Variants in ADAMTSL1 observed in about 807,000 individuals in gnomAD.
The protein encoded by ADAMTSL1 is ADAMTS-like protein 1.
A neutral mutation model predicts 201.8 loss-of-function variants in ADAMTSL1; 126 were observed. The observed-to-expected ratio is 0.62, with a 90% confidence interval of 0.54 to 0.72. The LOEUF (loss-of-function observed/expected upper bound fraction) is 0.72, where lower values mean the gene tolerates loss of function less well. Among genes scored for constraint, ADAMTSL1 ranks in the 30% least tolerant of loss-of-function variants. The probability of loss-of-function intolerance (pLI) is 0.00; values close to 1 mark genes in which losing one functional copy is unlikely to be tolerated. For synonymous variants in ADAMTSL1, 1,121 were observed against 903.4 expected, an observed-to-expected ratio of 1.24 and a Z score of -4.32; for missense variants, 2,679 against 2,277.8, an observed-to-expected ratio of 1.18 and a Z score of -3.59.
intron 2 of ADAMTSL1, among the ~76,000 whole-genome samples, chr9:18,287,596 CACATATATGCATATATGTATGTGTAT>C (rs1185647885): frequency 1.6e-5 from 1 of 61,110 alleles, no homozygotes; most frequent in East Asian, 5.4e-4. Flanking sequence ...TATATATACA[CACATATATGCATATATGTATGTGTAT>C]ACATATACGC....
chr9:18,592,080 T>C (rs1823953911), intron 4 of ADAMTSL1, among the ~76,000 whole-genome samples: 1 of 152,200 alleles, frequency 6.6e-6, no homozygotes, highest in African/African-American at 2.4e-5. Context: ...TGCATCTCAT[T>C]GATTTGCTAA....
At chr9:18,181,818 C>T (rs1828492382) in intron 2 of ADAMTSL1, among the ~76,000 whole-genome samples, 1 of 152,052 alleles carries the variant, frequency 6.6e-6, no homozygotes, top group Non-Finnish European at 1.5e-5. Flanking sequence ...AATCATGCTG[C>T]TATAAAGACA....
intron 2 of ADAMTSL1, among the ~76,000 whole-genome samples, chr9:18,350,861 C>G (rs1004701456): frequency 2.5e-4 from 38 of 152,206 alleles, no homozygotes; most frequent in African/African-American, 9.1e-4. Context: ...AAAATACAGA[C>G]TATGATATTC....
At chr9:17,915,122 A>G (rs1588408006) in intron 1 of ADAMTSL1, among the ~76,000 whole-genome samples, 1 of 152,180 alleles carries the variant, frequency 6.6e-6, no homozygotes, top group African/African-American at 2.4e-5. Context: ...ACATATGCAT[A>G]TATTCATGAC....
At chr9:18,064,954 A>ATTTTTTTTTTTTTTTTTTTTTTT (rs563021690) in intron 1 of ADAMTSL1, among the ~76,000 whole-genome samples, 1 of 69,022 alleles carries the variant, frequency 1.4e-5, no homozygotes, top group African/African-American at 5.7e-5. Context: ...TTTGCTAAAG[A>ATTTTTTTTTTTTTTTTTTTTTTT]TTTTTTTTTT....
At chr9:18,184,973 C>T (rs189838773) in intron 2 of ADAMTSL1, among the ~76,000 whole-genome samples, 1 of 152,166 alleles carries the variant, frequency 6.6e-6, no homozygotes, top group South Asian at 2.1e-4. Context: ...GATTAATTGA[C>T]ACAGGTTGAA....
At chr9:18,077,475 G>C (rs990897452) in intron 1 of ADAMTSL1, among the ~76,000 whole-genome samples, 1 of 152,238 alleles carries the variant, frequency 6.6e-6, no homozygotes, top group South Asian at 2.1e-4. Flanking sequence ...AGTGTTTTGA[G>C]CTTAAAGAGG....
chr9:18,522,926 T>C (rs1336765504), intron 2 of ADAMTSL1, among the ~76,000 whole-genome samples: 3 of 152,114 alleles, frequency 2.0e-5, no homozygotes, highest in East Asian at 3.9e-4. Flanking sequence ...TTTATAGCAG[T>C]ATGATTTATA....
intron 2 of ADAMTSL1, among the ~76,000 whole-genome samples, chr9:18,256,614 G>A (rs1226678489): frequency 6.6e-6 from 1 of 152,224 alleles, no homozygotes. Context: ...CATTGGGGAA[G>A]ACCAAGGAGC....
chr9:18,734,828 C>G lies in ADAMTSL1; in HGVS notation c.2006+13163C>G, dbSNP rs532018190. ...CCCCAGAGTCCCAATCCAGGCTTTC[C>G]AAGAAACCTCAGGGCAGTTTTGTGC... On this transcript the variant is annotated intron_variant, in intron 15 of 28. Coordinates refer to ENST00000380548, the MANE Select transcript of ADAMTSL1 (RefSeq NM_001040272.6). 4.9e-4 allele frequency among the ~76,000 whole-genome samples: 75 copies of G among 152,220 alleles called. 1 individual carries two copies. Among genetic ancestry groups the G allele is most frequent in the African/African-American group, 1.7e-3 (70 of 41,552 alleles).
chr9:18,774,332 C>A (rs12686738), intron 17 of ADAMTSL1, among the ~76,000 whole-genome samples: 1 of 152,246 alleles, frequency 6.6e-6, no homozygotes, highest in East Asian at 1.9e-4. Flanking sequence ...TCCAAACTAA[C>A]CCTCAAGCTC....
Position 18,535,602 on chromosome 9 carries a change from T to A in ADAMTSL1, c.237+2310T>A, listed in dbSNP as rs1461216094. On this transcript the variant is annotated intron_variant, in intron 3 of 28. Transcript: ENST00000380548. ...ATACCATTTTACTGTATTAGTCCAT[T>A]CTTATGCTGCTTTAAGAACATATGC... Among the ~76,000 whole-genome samples, 17 of 152,168 alleles carry A rather than the reference T, an allele frequency of 1.1e-4. 1 individual carries two copies. The highest frequency in any genetic ancestry group is 1.1e-3 in the Admixed American group (17 of 15,288).
intron 1 of ADAMTSL1, among the ~76,000 whole-genome samples, chr9:17,969,994 C>T (rs903326947): frequency 1.3e-5 from 2 of 152,062 alleles, no homozygotes; most frequent in African/African-American, 2.4e-5. Flanking sequence ...CTGTAGTAAC[C>T]TTATCCTGTA....
chr9:18,577,683 A>G (rs1375701424), intron 4 of ADAMTSL1, among the ~76,000 whole-genome samples: 2 of 152,192 alleles, frequency 1.3e-5, no homozygotes, highest in African/African-American at 2.4e-5. Context: ...AGAAATGTAG[A>G]AGACTCTGAA....
intron 1 of ADAMTSL1, among the ~76,000 whole-genome samples, chr9:18,081,880 G>A (rs114001780): frequency 0.014 from 2,170 of 152,252 alleles, 68 homozygotes; most frequent in African/African-American, 0.049. Context: ...AAATACTAGC[G>A]TATGCTTGTC....
intron 1 of ADAMTSL1, among the ~76,000 whole-genome samples, chr9:18,060,953 A>G (rs1272844519): frequency 1.3e-5 from 2 of 152,346 alleles, no homozygotes; most frequent in South Asian, 4.1e-4. Flanking sequence ...ACTATGTCAT[A>G]TAACTAGAAA....
chr9:18,185,211 A>G, intron 2 of ADAMTSL1, among the ~76,000 whole-genome samples: 1 of 152,170 alleles, frequency 6.6e-6, no homozygotes, highest in East Asian at 1.9e-4. Context: ...CAAAGACGAC[A>G]GGATATTATT....
chr9:18,790,991 T>C (rs1197441097), intron 19 of ADAMTSL1, among the ~76,000 whole-genome samples: 3 of 152,170 alleles, frequency 2.0e-5, no homozygotes, highest in Non-Finnish European at 4.4e-5. Flanking sequence ...TAGGTTTTGT[T>C]TGGAAAGCAG....
intron 19 of ADAMTSL1, among the ~76,000 whole-genome samples, chr9:18,784,200 G>C (rs1821566648): frequency 6.6e-6 from 1 of 152,178 alleles, no homozygotes; most frequent in Middle Eastern, 3.2e-3. Flanking sequence ...CAGGTCAGAT[G>C]ACCCCCTCCA....
Sources: gnomAD v4.1 joint callset for allele counts (sites outside exome capture counted in the v4.1 genomes callset) on GRCh38, gnomAD v4.1.1 for gene constraint, MANE v1.5 for transcripts, NCBI Gene and HGNC (gene_info 2026-07-23, HGNC 2026-07-21) for gene names.